The following KIF22 variants were observed in gnomAD, a reference collection of about 807,000 sequenced individuals.
KIF22 encodes kinesin family member 22.
In KIF22, 62 loss-of-function variants were observed where a neutral mutation model predicts 73.0. The observed-to-expected ratio is 0.85, with a 90% CI of 0.69 to 1.05. The LOEUF is 1.05. Among genes scored for constraint, KIF22 ranks in the 50% least tolerant of loss-of-function variants. The pLI, the probability that KIF22 is intolerant of heterozygous loss-of-function variation, is 0.00. For synonymous variants in KIF22, 411 were observed against 340.1 expected, an observed-to-expected ratio of 1.21 and a Z score of -2.29; for missense variants, 854 against 870.1, an observed-to-expected ratio of 0.98 and a Z score of 0.23.
At chr16:29,795,585 AG>A (rs1241471962) in intron 1 of KIF22, among the ~76,000 whole-genome samples, 2 of 152,202 alleles carry the variant, frequency 1.3e-5, no homozygotes, top group Non-Finnish European at 2.9e-5. Flanking sequence ...AGATTTTTAG[AG>A]GGGAAGAGAT....
rs1328200800 is a variant in KIF22 at position 29,799,259 on chromosome 16, C to T, written c.760-5C>T. ...TAAGCACGAGACCTTTGTTCTTACC[C>T]CCAGGTGGACCAGCGGGAACGTTTG... On this transcript the variant is annotated splice_polypyrimidine_tract_variant and splice_region_variant and intron_variant, in intron 5 of 13. Coordinates refer to ENST00000160827, the MANE Select transcript of KIF22 (RefSeq NM_007317.3). The T allele has an allele frequency of 1.2e-6, 2 of 1,613,102 alleles. No individual in the cohort carries two copies. Among genetic ancestry groups the T allele is most frequent in the Non-Finnish European group, 8.5e-7 (1 of 1,179,486 alleles).
At chr16:29,804,435 G>A in intron 11 of KIF22, 1 of 626,540 alleles carries the variant, frequency 1.6e-6, no homozygotes, top group Non-Finnish European at 2.9e-6. Context: ...TGAGATGGTT[G>A]GGGGAGGTAT....
intron 8 of KIF22, among the ~76,000 whole-genome samples, chr16:29,800,911 T>G (rs947387925): frequency 2.3e-4 from 35 of 152,176 alleles, no homozygotes; most frequent in Non-Finnish European, 5.0e-4. Flanking sequence ...TTCCAACCCC[T>G]TTAGCCTTCA....
chr16:29,799,869 AC>A (rs1256746220), intron 7 of KIF22, 43 bp from the exon 8 acceptor site: 1 of 1,612,414 alleles, frequency 6.2e-7, no homozygotes, highest in Admixed American at 1.7e-5. Flanking sequence ...ACAGAGGCTG[AC>A]CACCCCCAAT....
intron 1 of KIF22, among the ~76,000 whole-genome samples, chr16:29,796,583 G>C (rs1898957778): frequency 6.6e-6 from 1 of 151,644 alleles, no homozygotes; most frequent in Non-Finnish European, 1.5e-5. Flanking sequence ...AGCATCACCT[G>C]GGAGCTTGTT....
intron 1 of KIF22, among the ~76,000 whole-genome samples, chr16:29,796,033 G>T (rs533595504): frequency 6.6e-6 from 1 of 152,130 alleles, no homozygotes; most frequent in South Asian, 2.1e-4. Context: ...CACTTTGGGA[G>T]GCCAAGGCAG....
Position 29,802,895 on chromosome 16 carries a change from G to A in KIF22, c.1407G>A (p.Met469Ile), listed in dbSNP as rs768036085. The A allele has an allele frequency of 1.2e-6, 2 of 1,612,434 alleles. No individual in the cohort carries two copies. The highest frequency in any genetic ancestry group is 1.7e-6 in the Non-Finnish European group (2 of 1,179,444). Reference sequence around the variant, plus strand: ...TGAGTACCCCAAAGCGAGAGCGGATGGTGCTAATGAAGACAGTGGAAGAGA... The same window carrying A: ...TGAGTACCCCAAAGCGAGAGCGGATAGTGCTAATGAAGACAGTGGAAGAGA... ...PLLSTPKRER[M>I]VLMKTVEEKD... is the part of the protein sequence containing the mutation. Residue 469 changes from methionine (M) to isoleucine (I), a missense_variant, in exon 9 of 14, where the codon ATG becomes ATA. By Grantham distance (10) the Met-to-Ile change is conservative. Transcript: ENST00000160827.
chr16:29,799,444 G>A lies in KIF22; in HGVS notation c.940G>A (p.Gly314Ser). 6.2e-7 allele frequency: 1 copy of A among 1,614,182 alleles called. No individual in the cohort carries two copies. Among genetic ancestry groups the A allele is most frequent in the South Asian group, 1.1e-5 (1 of 91,084 alleles). Residue 314 changes from glycine (G) to serine (S), a missense_variant, in exon 6 of 14, where the codon GGC (glycine) becomes AGC (serine). Coordinates refer to ENST00000160827, the MANE Select transcript of KIF22 (RefSeq NM_007317.3). Reference sequence around the variant, plus strand: ...CAAAGTGGTAGATGCGCTGAATCAGGGCCTCCCTCGTGTACCTTATCGGGA... The same window carrying A: ...CAAAGTGGTAGATGCGCTGAATCAGAGCCTCCCTCGTGTACCTTATCGGGA... The part of the protein sequence containing the change: ...LGKVVDALNQ[G>S]LPRVPYRDSK...
intron 1 of KIF22, chr16:29,791,256 T>G: frequency 2.9e-5 from 30 of 1,020,248 alleles, no homozygotes; most frequent in Non-Finnish European, 3.5e-5. Flanking sequence ...TGGGACATGG[T>G]GTTTGGGTGC....
chr16:29,802,812 C>A lies in KIF22; in HGVS notation c.1324C>A (p.Arg442Ser). ...CAGCATGGACCCGGCCATGCTGGAG[C>A]GCCTCCTCAGCTTGGACCGTCTGCT... ...LSSMDPAMLERLLSLDRLLAS... is the reference protein window; with the variant it reads ...LSSMDPAMLESLLSLDRLLAS... Residue 442 changes from arginine to serine, a missense_variant, in exon 9 of 14, where the codon CGC (arginine) becomes AGC (serine). Arg to Ser is a moderately radical substitution (Grantham distance 110). This residue lies in a region of KIF22 where 423 missense variants were observed against 365.4 expected (regional missense o/e 1.16). Transcript: ENST00000160827. 2 of 1,606,644 alleles carry A rather than the reference C, an allele frequency of 1.2e-6. No homozygotes were observed. The highest frequency in any genetic ancestry group is 1.7e-4 in the Middle Eastern group (1 of 6,030).
At position 29,796,993 on chromosome 16, in the gene KIF22, A is replaced by C. The variant is rs1159175663; in HGVS notation, c.171A>C (p.Thr57=). The change falls in exon 2 of 14, where the codon ACA becomes ACC. Residue 57 remains threonine, a synonymous_variant. Coordinates refer to ENST00000160827, the MANE Select transcript of KIF22 (RefSeq NM_007317.3). ...AVRLRPFVDG[T]AGASDPPCVR... is the part of the protein sequence containing the mutation. ...GACTGCGGCCATTTGTGGATGGAAC[A>C]GCGGGAGCAAGTGATCCCCCCTGTG... 3 of 1,614,096 alleles carry C rather than the reference A, an allele frequency of 1.9e-6. No homozygotes were observed. The highest frequency in any genetic ancestry group is 2.7e-5 in the African/African-American group (2 of 75,042).
At chr16:29,801,152 T>G (rs1756664821) in intron 8 of KIF22, among the ~76,000 whole-genome samples, 1 of 152,112 alleles carries the variant, frequency 6.6e-6, no homozygotes, top group Non-Finnish European at 1.5e-5. Flanking sequence ...AGATAAAGCC[T>G]CTAAACTAAG....
intron 1 of KIF22, among the ~76,000 whole-genome samples, chr16:29,792,761 A>AC (rs1212849547): frequency 1.3e-5 from 2 of 152,182 alleles, no homozygotes; most frequent in African/African-American, 4.8e-5. Context: ...AGAGAGATTA[A>AC]CGTGGACAAA....
At chr16:29,800,235 C>T in intron 8 of KIF22, 187 bp downstream of exon 8, 1 of 585,726 alleles carries the variant, frequency 1.7e-6, no homozygotes, top group East Asian at 3.2e-5. Context: ...TTGGGTGGAT[C>T]ACCTGAGGTC....
Position 29,798,890 on chromosome 16 carries a change from G to C in KIF22, c.550-85G>C, listed in dbSNP as rs1899027592. 1 of 1,550,802 alleles carries C rather than the reference G, an allele frequency of 6.4e-7. No individual in the cohort carries two copies. The highest frequency in any genetic ancestry group is 1.4e-5 in the African/African-American group (1 of 73,394). On this transcript the variant is annotated intron_variant, in intron 4 of 13. Coordinates refer to ENST00000160827, the MANE Select transcript of KIF22 (RefSeq NM_007317.3). This position sits in a 1 kb window ranked among gnomAD's most constrained non-coding sequence, Gnocchi z 4.1. ...GGGGTAGCAGATGGTACAACTCCGA[G>C]AATAGAACAGAGAAAGGAAACTGAT...
chr16:29,793,785 TAGAGAA>T (rs1898882180), intron 1 of KIF22, among the ~76,000 whole-genome samples: 1 of 152,074 alleles, frequency 6.6e-6, no homozygotes, highest in South Asian at 2.1e-4. Context: ...AATGCTGGTC[TAGAGAA>T]AGGATAGACG....
rs1899192574 is a variant in KIF22, at chr16:29,802,929, G to C, written c.1441G>C (p.Glu481Gln). 6.2e-7 allele frequency: 1 copy of C among 1,612,198 alleles called. No individual in the cohort carries two copies. Among genetic ancestry groups the C allele is most frequent in the Non-Finnish European group, 8.5e-7 (1 of 1,179,338 alleles). ...GAAGACAGTGGAAGAGAAGGACCTA[G>C]AGATTGAGGTACGTGTTTTAGGGAT... The part of the protein sequence containing the change: ...LMKTVEEKDL[E>Q]IERLKTKQKE... Residue 481 changes from glutamate to glutamine, a missense_variant, in exon 9 of 14, where the codon GAG (glutamate) becomes CAG (glutamine). Coordinates refer to ENST00000160827, the MANE Select transcript of KIF22 (RefSeq NM_007317.3).
Position 29,799,270 on chromosome 16 carries a change from C to T in KIF22, c.766C>T (p.Gln256Ter). 1 of 1,613,544 alleles carries T rather than the reference C, an allele frequency of 6.2e-7. No homozygotes were observed. Among genetic ancestry groups the T allele is most frequent in the Non-Finnish European group, 8.5e-7 (1 of 1,179,726 alleles). Reference protein sequence around the residue: ...SHAVLLVKVDQRERLAPFRQR... With the variant: ...SHAVLLVKVD ...CCTTTGTTCTTACCCCCAGGTGGAC[C>T]AGCGGGAACGTTTGGCCCCATTTCG... is the stretch of plus-strand genomic sequence containing the variant. Residue 256 changes from glutamine to a stop codon, truncating the protein, a stop_gained, in exon 6 of 14, where the codon CAG becomes TAG. Coordinates refer to ENST00000160827, the MANE Select transcript of KIF22 (RefSeq NM_007317.3). LOFTEE classifies it high-confidence loss of function.
rs765539150 is a variant in KIF22, at chr16:29,805,147, G to A, written c.1923G>A (p.Thr641=). The A allele has an allele frequency of 2.7e-5, 44 of 1,613,824 alleles. No individual in the cohort carries two copies. The highest frequency in any genetic ancestry group is 4.5e-5 in the East Asian group (2 of 44,846). The change falls in exon 13 of 14, where the codon ACG becomes ACA. Residue 641 remains threonine, a synonymous_variant. Coordinates refer to ENST00000160827, the MANE Select transcript of KIF22 (RefSeq NM_007317.3). ...ACCTGGAACGCGTGGAGGGCATAAC[G>A]GGGAAACAGATGGAGTCCTTCCTGA... ...VEDLERVEGI[T]GKQMESFLKA...
Sources: allele counts gnomAD v4.1 joint callset (sites outside exome capture counted in the v4.1 genomes callset), GRCh38; gene constraint gnomAD v4.1.1; regional missense constraint gnomAD v4.1.1; non-coding constraint Gnocchi (gnomAD v3.1); transcripts MANE v1.5; gene names NCBI Gene and HGNC (gene_info 2026-07-23, HGNC 2026-07-21).